Variants in C8B observed in about 807,000 individuals in gnomAD.
C8B encodes complement component C8 beta chain.
C8B carries 67 observed loss-of-function variants against 64.6 expected under a neutral mutation model. The observed-to-expected ratio is 1.04, with a 90% confidence interval of 0.85 to 1.27. The LOEUF (loss-of-function observed/expected upper bound fraction) is 1.27. Ranked by LOEUF, C8B falls within the 50% of genes most tolerant of loss-of-function variation. The pLI is 0.00. For synonymous variants in C8B, 284 were observed against 257.7 expected (o/e 1.10, Z -0.98); for missense variants, 790 against 725.2 (o/e 1.09, Z -1.03).
intron 1 of C8B, among the ~76,000 whole-genome samples, chr1:56,964,318 T>A (rs1645221336): frequency 6.6e-6 from 1 of 152,136 alleles, no homozygotes; most frequent in African/African-American, 2.4e-5. Flanking sequence ...TGCATTGTGG[T>A]GAGGATATAG....
At chr1:56,961,830 G>A (rs72670376) in intron 1 of C8B, among the ~76,000 whole-genome samples, 31,227 of 152,066 alleles carry the variant, frequency 0.21, 3,467 homozygotes, top group Non-Finnish European at 0.24. Context: ...AGTAAAGCTG[G>A]ATCTTTAATG....
At chr1:56,964,160 A>G (rs1570411349) in intron 1 of C8B, 1 of 197,566 alleles carries the variant, frequency 5.1e-6, no homozygotes, top group Non-Finnish European at 9.1e-6. Context: ...CACCCACCTC[A>G]TGATGTTGTA....
At chr1:56,964,215 T>C (rs1212460099) in intron 1 of C8B, among the ~76,000 whole-genome samples, 1 of 152,184 alleles carries the variant, frequency 6.6e-6, no homozygotes, top group African/African-American at 2.4e-5. Context: ...TAATCAACAA[T>C]TTGCCCCTCC....
intron 8 of C8B, among the ~76,000 whole-genome samples, chr1:56,942,573 C>T (rs1644879501): frequency 6.6e-6 from 1 of 151,934 alleles, no homozygotes; most frequent in African/African-American, 2.4e-5. Context: ...GGCGTGGTGG[C>T]ACATGCCTGT....
chr1:56,931,901 G>T, intron 10 of C8B, 23 bp from the exon 11 acceptor site: 2 of 1,590,846 alleles, frequency 1.3e-6, no homozygotes, highest in Non-Finnish European at 1.7e-6. Flanking sequence ...GGCAGAGAAA[G>T]TGTGAATCAT....
At position 56,965,873 on chromosome 1, in the gene C8B, T is replaced by G. The variant is rs747253150; in HGVS notation, c.76A>C (p.Ser26Arg). ...GTCACTTACCTGGAGCCAGGCAAAC[T>G]GAGACAGCCCAGGGCAGCACAGAGA... ...FLLCAALGCL[S>R]LPGSRGERPH... is the part of the protein sequence containing the mutation. The change falls in exon 1 of 12, where the codon AGT becomes CGT. Residue 26 changes from serine (S) to arginine (R), a missense_variant. By Grantham distance (110) the Ser-to-Arg change is moderately radical. Transcript: ENST00000371237. 6.2e-7 allele frequency: 1 copy of G among 1,614,006 alleles called. No individual in the cohort carries two copies. The highest frequency in any genetic ancestry group is 8.5e-7 in the Non-Finnish European group (1 of 1,180,022).
At chr1:56,931,902 T>A (rs369939729) in intron 10 of C8B, 24 bp from the exon 11 acceptor site, 8 of 1,583,890 alleles carry the variant, frequency 5.1e-6, no homozygotes, top group Non-Finnish European at 6.1e-6. Flanking sequence ...GCAGAGAAAG[T>A]GTGAATCATG....
chr1:56,960,043 A>T lies in C8B; in HGVS notation c.226T>A (p.Cys76Ser). Residue 76 changes from cysteine (C) to serine (S), a missense_variant, in exon 2 of 12, where the codon TGT (cysteine) becomes AGT (serine). Coordinates refer to ENST00000371237, the MANE Select transcript of C8B (RefSeq NM_000066.4). ...ACCCTTTTCTTCTGACAGGGGTCACATGTGGTCCAAGAGGACCAACTAGAC... is the reference window on the plus strand; with the variant it reads ...ACCCTTTTCTTCTGACAGGGGTCACTTGTGGTCCAAGAGGACCAACTAGAC... ...ELSSWSSWTT[C>S]DPCQKKRYRY... 1 of 1,614,170 alleles carries T rather than the reference A, an allele frequency of 6.2e-7. No individual in the cohort carries two copies. Among genetic ancestry groups the T allele is most frequent in the Non-Finnish European group, 8.5e-7 (1 of 1,180,020 alleles).
At chr1:56,954,066 A>G (rs1645064175) in intron 4 of C8B, among the ~76,000 whole-genome samples, 1 of 152,120 alleles carries the variant, frequency 6.6e-6, no homozygotes, top group Admixed American at 6.5e-5. Flanking sequence ...AAAGCATATG[A>G]GGGGAAGGTC....
rs74926381 is a variant in C8B at position 56,965,175 on chromosome 1, A to T, written c.92+682T>A. Among the ~76,000 whole-genome samples the T allele has an allele frequency of 8.3e-3, 1,261 of 152,314 alleles. 17 individuals carry two copies. Among genetic ancestry groups the T allele is most frequent in the African/African-American group, 0.029 (1,207 of 41,572 alleles). On this transcript the variant is annotated intron_variant, in intron 1 of 11. Coordinates refer to ENST00000371237, the MANE Select transcript of C8B (RefSeq NM_000066.4). ...TTACATGGAGGCCGGGGACACATGC[A>T]CACTTCAACATCTCATGGCAGGGGT...
intron 1 of C8B, among the ~76,000 whole-genome samples, chr1:56,963,517 G>A (rs1645207803): frequency 1.3e-5 from 2 of 148,944 alleles, no homozygotes. Flanking sequence ...GGCAACAAAT[G>A]TGTGGCCCAG....
At chr1:56,935,402 C>T (rs1644762395) in intron 9 of C8B, among the ~76,000 whole-genome samples, 1 of 152,058 alleles carries the variant, frequency 6.6e-6, no homozygotes, top group South Asian at 2.1e-4. Flanking sequence ...CTCCTTTTCT[C>T]TTTCTCTTTC....
chr1:56,950,758 G>T (rs909234100), intron 5 of C8B, among the ~76,000 whole-genome samples: 1 of 152,166 alleles, frequency 6.6e-6, no homozygotes, highest in South Asian at 2.1e-4. Flanking sequence ...AGGAGATAAT[G>T]GTCCCTTTCA....
intron 1 of C8B, among the ~76,000 whole-genome samples, chr1:56,962,951 T>C (rs1645198573): frequency 1.3e-5 from 2 of 152,254 alleles, no homozygotes. Context: ...TCTAGTTCAT[T>C]TCTTTTGTCT....
Position 56,933,331 on chromosome 1 carries a change from G to T in C8B, c.1552+4C>A, listed in dbSNP as rs761605590. ...CAGGGACACCAGCTGCCTGAAAGTG[G>T]TACCTTTCAGGACAGGGACTCCATT... On this transcript the variant is annotated splice_donor_region_variant and intron_variant, in intron 10 of 11. Coordinates refer to ENST00000371237, the MANE Select transcript of C8B (RefSeq NM_000066.4). 3.7e-6 allele frequency: 6 copies of T among 1,611,936 alleles called. 1 individual carries two copies. The East Asian group carries it at 1.3e-4, about 36-fold the overall frequency.
At chr1:56,955,073 T>C (rs1212709666) in intron 3 of C8B, among the ~76,000 whole-genome samples, 1 of 152,164 alleles carries the variant, frequency 6.6e-6, no homozygotes, top group African/African-American at 2.4e-5. Context: ...GGACTCTCTC[T>C]CCCTGGGGCT....
At chr1:56,931,482 G>A (rs1018618066) in intron 11 of C8B, 1 of 347,060 alleles carries the variant, frequency 2.9e-6, no homozygotes, top group Non-Finnish European at 5.7e-6. Context: ...GGGGGCATAC[G>A]TGCTGGAATT....
chr1:56,943,232 A>T (rs1360551128), intron 8 of C8B, among the ~76,000 whole-genome samples: 1 of 152,224 alleles, frequency 6.6e-6, no homozygotes, highest in Non-Finnish European at 1.5e-5. Flanking sequence ...TCTAAAACCC[A>T]GCAATTCCAG....
At chr1:56,934,852 C>T (rs1342046302) in intron 9 of C8B, among the ~76,000 whole-genome samples, 1 of 152,114 alleles carries the variant, frequency 6.6e-6, no homozygotes, top group Non-Finnish European at 1.5e-5. Flanking sequence ...AAGAGCTCCT[C>T]CAACATCTGA....
Sources: gnomAD v4.1 joint callset for allele counts (sites outside exome capture counted in the v4.1 genomes callset) on GRCh38, gnomAD v4.1.1 for gene constraint, MANE v1.5 for transcripts, NCBI Gene and HGNC (gene_info 2026-07-23, HGNC 2026-07-21) for gene names.